PTPN5: variants seen among roughly 807,000 people sequenced by gnomAD.
PTPN5 encodes tyrosine-protein phosphatase non-receptor type 5.
PTPN5 carries 29 observed loss-of-function variants against 73.9 expected under a neutral mutation model. The observed-to-expected ratio is 0.39, with a 90% CI of 0.29 to 0.54. PTPN5 has a LOEUF of 0.54. Among genes scored for constraint, PTPN5 ranks in the 20% least tolerant of loss-of-function variants. The probability of loss-of-function intolerance (pLI) is 0.65; values close to 1 mark genes in which losing one functional copy is unlikely to be tolerated. For missense variants in PTPN5, 652 were observed against 751.4 expected, an observed-to-expected ratio of 0.87 and a Z score of 1.55; for synonymous variants, 267 against 304.7, an observed-to-expected ratio of 0.88 and a Z score of 1.29.
In PTPN5 at chr11:18,744,198, AC is replaced by A. The variant is rs1293594863; in HGVS notation, c.98del (p.Gly33ValfsTer6). 6.5e-7 allele frequency: 1 copy of A among 1,538,336 alleles called. No individual in the cohort carries two copies. Among genetic ancestry groups the A allele is most frequent in the East Asian group, 2.5e-5 (1 of 40,744 alleles). ...CCTCCATCACTATCGGCTGGGGGAGACCTGTGGAAGATGGGCCATGCGGGCC... is the reference window on the plus strand; with the variant it reads ...CCTCCATCACTATCGGCTGGGGGAGACTGTGGAAGATGGGCCATGCGGGCC... ...LDMCCSERLP[G>X]LPQPIVMEAL... On this transcript the variant is annotated frameshift_variant and splice_region_variant, in exon 4 of 15. Transcript: ENST00000358540. LOFTEE classifies it high-confidence loss of function.
At chr11:18,789,311 G>A (rs1033391007) in intron 1 of PTPN5, among the ~76,000 whole-genome samples, 3 of 151,936 alleles carry the variant, frequency 2.0e-5, no homozygotes, top group Non-Finnish European at 4.4e-5. Flanking sequence ...ACATAAATAC[G>A]TGCTCCCACC....
In PTPN5 at chr11:18,774,599, A is replaced by C. The variant is rs1039946957; in HGVS notation, c.-113-2528T>G. On this transcript the variant is annotated intron_variant, in intron 1 of 14. Transcript: ENST00000358540. ...TGGGATGGGAGCAGGAAAAACACAC[A>C]CAGATTCTTTGCTGGCTTTGGCCAC... Among the ~76,000 whole-genome samples the C allele has an allele frequency of 3.3e-5, 5 of 152,306 alleles. No homozygotes were observed. In the East Asian group the frequency reaches 7.7e-4, roughly 24 times the overall value.
intron 1 of PTPN5, among the ~76,000 whole-genome samples, chr11:18,788,761 C>T (rs919851723): frequency 7.8e-4 from 119 of 152,204 alleles, no homozygotes; most frequent in African/African-American, 2.6e-3. Flanking sequence ...GTCAGATCAT[C>T]TGAGCTGGAG....
upstream of PTPN5, chr11:18,792,194 G>C (rs929132134): frequency 1.3e-5 from 2 of 152,396 alleles, no homozygotes; most frequent in Non-Finnish European, 2.9e-5. Context: ...ACCTGGGACG[G>C]GACAGACAGG....
intron 1 of PTPN5, among the ~76,000 whole-genome samples, chr11:18,781,405 C>T (rs1289497352): frequency 4.0e-5 from 6 of 148,750 alleles, no homozygotes; most frequent in Non-Finnish European, 7.4e-5. Flanking sequence ...CTGCAGCCTC[C>T]GCCTCCCGGG....
At chr11:18,755,671 C>T (rs1196115492) in intron 3 of PTPN5, among the ~76,000 whole-genome samples, 4 of 151,992 alleles carry the variant, frequency 2.6e-5, no homozygotes, top group Non-Finnish European at 4.4e-5. Context: ...AGGGGTTTGC[C>T]TCAAGCTAGG....
At chr11:18,783,193 G>A (rs1377291521) in intron 1 of PTPN5, among the ~76,000 whole-genome samples, 3 of 152,244 alleles carry the variant, frequency 2.0e-5, no homozygotes, top group Non-Finnish European at 2.9e-5. Flanking sequence ...GCAGATGGCA[G>A]TGGGAAATGG....
rs1019703886 is a variant in PTPN5, at chr11:18,729,370, G to T, written c.1604+83C>A. Reference sequence around the variant, plus strand: ...GTTTTCCATCTGCCCCTCACCCCCCGCCCATGCACATGTGGGTCTCTCCCT... The same window carrying T: ...GTTTTCCATCTGCCCCTCACCCCCCTCCCATGCACATGTGGGTCTCTCCCT... On this transcript the variant is annotated intron_variant, in intron 14 of 14. Coordinates refer to ENST00000358540, the MANE Select transcript of PTPN5 (RefSeq NM_006906.2). This position sits in a 1 kb window ranked among gnomAD's most constrained non-coding sequence, Gnocchi z 5.2. 2.8e-6 allele frequency: 2 copies of T among 720,138 alleles called. No individual in the cohort carries two copies. The highest frequency in any genetic ancestry group is 3.6e-4 in the Middle Eastern group (1 of 2,776). The allele number at this position is 720,138 out of a possible 1,614,324, so 44.6% of individuals were successfully genotyped here.
intron 3 of PTPN5, among the ~76,000 whole-genome samples, chr11:18,759,522 C>T (rs1389771859): frequency 6.6e-6 from 1 of 152,184 alleles, no homozygotes; most frequent in Non-Finnish European, 1.5e-5. Context: ...CCAGTGGGCA[C>T]CTGGGATGGT....
chr11:18,783,713 C>T (rs1194801122), intron 1 of PTPN5, among the ~76,000 whole-genome samples: 2 of 152,210 alleles, frequency 1.3e-5, no homozygotes, highest in Non-Finnish European at 2.9e-5. Context: ...ACCACTGTTG[C>T]CAGGTGACTC....
At chr11:18,781,072 AC>A (rs1451018177) in intron 1 of PTPN5, among the ~76,000 whole-genome samples, 1 of 151,740 alleles carries the variant, frequency 6.6e-6, no homozygotes, top group Non-Finnish European at 1.5e-5. Context: ...TGACACAGAG[AC>A]CTCTTTGAAA....
chr11:18,755,653 G>C (rs1850097494), intron 3 of PTPN5, among the ~76,000 whole-genome samples: 4 of 152,044 alleles, frequency 2.6e-5, no homozygotes, highest in Non-Finnish European at 5.9e-5. Context: ...TCTTGCTTGT[G>C]ATTGATAAGG....
chr11:18,770,027 G>A (rs1850808402), intron 2 of PTPN5, among the ~76,000 whole-genome samples: 1 of 152,104 alleles, frequency 6.6e-6, no homozygotes, highest in African/African-American at 2.4e-5. Flanking sequence ...GGTCTGGCTG[G>A]GTAGGTCTGT....
intron 3 of PTPN5, among the ~76,000 whole-genome samples, chr11:18,751,211 C>A (rs1849873735): frequency 6.6e-6 from 1 of 152,158 alleles, no homozygotes; most frequent in Non-Finnish European, 1.5e-5. Context: ...TTTCTGCTAC[C>A]TTTTGTGGGT....
intron 8 of PTPN5, among the ~76,000 whole-genome samples, chr11:18,739,824 C>A (rs891280760): frequency 6.6e-6 from 1 of 152,214 alleles, no homozygotes; most frequent in Non-Finnish European, 1.5e-5. Context: ...CAGCCCCTTC[C>A]TTCCTCCTCC....
At chr11:18,737,316 C>G (rs1284887779) in intron 9 of PTPN5, among the ~76,000 whole-genome samples, 1 of 152,200 alleles carries the variant, frequency 6.6e-6, no homozygotes, top group Non-Finnish European at 1.5e-5. Flanking sequence ...TGCCGCCTCA[C>G]TTGAATATAC....
intron 3 of PTPN5, among the ~76,000 whole-genome samples, chr11:18,751,618 C>T (rs1475210760): frequency 6.6e-6 from 1 of 152,152 alleles, no homozygotes; most frequent in East Asian, 1.9e-4. Flanking sequence ...GGATGGTAAG[C>T]TGGCTGAAGG....
chr11:18,747,171 GAC>G, intron 3 of PTPN5, among the ~76,000 whole-genome samples: 1 of 150,070 alleles, frequency 6.7e-6, no homozygotes, highest in African/African-American at 2.5e-5. Context: ...TTTTTTTTGA[GAC>G]AGAGTCTTGC....
In PTPN5 at chr11:18,771,943, C is replaced by T. The variant is rs758516987; in HGVS notation, c.16G>A (p.Ala6Thr). 6.3e-7 allele frequency: 1 copy of T among 1,589,086 alleles called. No homozygotes were observed. The highest frequency in any genetic ancestry group is 8.5e-7 in the Non-Finnish European group (1 of 1,170,624). ...ACGGCGTAAACGCTCACTCACCTGG[C>T]TCCCTCATAATTCATTCCCAAGGTG... MNYEGARSERENHAAD... is the reference protein window; with the variant it reads MNYEGTRSERENHAAD... Residue 6 changes from alanine (A) to threonine (T), a missense_variant, in exon 2 of 15, where the codon GCC becomes ACC. Ala to Thr is a moderately conservative substitution (Grantham distance 58). Transcript: ENST00000358540.
Sources: allele counts gnomAD v4.1 joint callset (sites outside exome capture counted in the v4.1 genomes callset), GRCh38; gene constraint gnomAD v4.1.1; non-coding constraint Gnocchi (gnomAD v3.1); transcripts MANE v1.5; gene names NCBI Gene and HGNC (gene_info 2026-07-23, HGNC 2026-07-21).